Variants in CATSPERB observed in about 807,000 individuals in gnomAD.
The protein encoded by CATSPERB is cation channel sperm-associated auxiliary subunit beta.
A neutral mutation model predicts 128.3 loss-of-function variants in CATSPERB; 93 were observed. The observed-to-expected ratio is 0.72, with a 90% CI of 0.61 to 0.86. CATSPERB has a LOEUF of 0.86. Ranked by LOEUF, CATSPERB falls within the 40% of genes least tolerant of loss-of-function variation. The pLI, the probability that CATSPERB is intolerant of heterozygous loss-of-function variation, is 0.00. For missense variants in CATSPERB, 1,153 were observed against 1,329.5 expected (o/e 0.87, Z 2.06); for synonymous variants, 381 against 448.8 (o/e 0.85, Z 1.91).
At position 91,597,995 on chromosome 14, in the gene CATSPERB, T is replaced by G. The variant is rs1012341038; in HGVS notation, c.2710-5993A>C. On this transcript the variant is annotated intron_variant, in intron 22 of 26. Transcript: ENST00000256343. ...TTGATTATATAAAAGTTTTTGTTTT[T>G]TTTTTTAAATATATAAATCCTCTTA... Among the ~76,000 whole-genome samples the G allele has an allele frequency of 2.0e-5, 3 of 151,958 alleles. No individual in the cohort carries two copies. In the East Asian group the frequency reaches 5.8e-4, roughly 29 times the overall value.
intron 14 of CATSPERB, among the ~76,000 whole-genome samples, chr14:91,665,004 C>A (rs61990389): frequency 0.02 from 2,986 of 152,280 alleles, 52 homozygotes; most frequent in Non-Finnish European, 0.032. Context: ...AACCTTCCAC[C>A]TCAGCTTCCT....
At chr14:91,717,007 C>T (rs1374928563) in intron 5 of CATSPERB, among the ~76,000 whole-genome samples, 3 of 152,034 alleles carry the variant, frequency 2.0e-5, no homozygotes, top group South Asian at 2.1e-4. Flanking sequence ...ACCCAAATGC[C>T]CTTCAACAAA....
chr14:91,624,654 A>G (rs945203948), intron 18 of CATSPERB, among the ~76,000 whole-genome samples, 166 bp downstream of exon 18: 4 of 152,146 alleles, frequency 2.6e-5, no homozygotes, highest in East Asian at 1.9e-4. Context: ...AAAAAAAAAA[A>G]ACAAAAAACT....
rs1360713744 is a variant in CATSPERB, at chr14:91,618,837, TC to T, written c.2261-1102del. 2.0e-5 allele frequency among the ~76,000 whole-genome samples: 3 copies of T among 152,198 alleles called. No homozygotes were observed. In the East Asian group the frequency reaches 5.8e-4, roughly 29 times the overall value. On this transcript the variant is annotated intron_variant, in intron 19 of 26. Coordinates refer to ENST00000256343, the MANE Select transcript of CATSPERB (RefSeq NM_024764.4). ...AAACCAAAGTGACCTGGCCAGTGCT[TC>T]CTAGCCTTTACCCGGAGATTTTGTT...
chr14:91,658,039 C>A (rs1260451770), intron 15 of CATSPERB, among the ~76,000 whole-genome samples: 1 of 151,934 alleles, frequency 6.6e-6, no homozygotes, highest in Non-Finnish European at 1.5e-5. Context: ...CTAGGATATA[C>A]CCCCCAAAAA....
chr14:91,715,270 T>G (rs1895917907), intron 5 of CATSPERB: 1 of 152,024 alleles, frequency 6.6e-6, no homozygotes, highest in Non-Finnish European at 1.5e-5. Flanking sequence ...TTTAAGATAT[T>G]GACTCTCCCA....
At chr14:91,598,437 C>T (rs1368970115) in intron 22 of CATSPERB, among the ~76,000 whole-genome samples, 1 of 152,086 alleles carries the variant, frequency 6.6e-6, no homozygotes, top group Non-Finnish European at 1.5e-5. Flanking sequence ...AGTTTGTCTA[C>T]AAGTATTTAT....
intron 7 of CATSPERB, among the ~76,000 whole-genome samples, chr14:91,693,770 C>T (rs946696663): frequency 6.6e-6 from 1 of 151,944 alleles, no homozygotes; most frequent in African/African-American, 2.4e-5. Context: ...TCTTTTTTTA[C>T]GTAGAAGGGC....
chr14:91,620,584 C>G (rs1260774869), intron 19 of CATSPERB, among the ~76,000 whole-genome samples: 2 of 152,066 alleles, frequency 1.3e-5, no homozygotes, highest in African/African-American at 4.8e-5. Flanking sequence ...TCGCTAGCAT[C>G]TTTAACAATT....
chr14:91,610,614 C>T lies in CATSPERB; in HGVS notation c.2464G>A (p.Val822Met), dbSNP rs1183421866. The T allele has an allele frequency of 1.2e-6, 2 of 1,612,894 alleles. No homozygotes were observed. Among genetic ancestry groups the T allele is most frequent in the Non-Finnish European group, 1.7e-6 (2 of 1,179,210 alleles). ...ASTECFVTTM[V>M]PTLKSSCSYL... is the part of the protein sequence containing the mutation. ...CTACAGCTGCTTTTCAGTGTTGGCA[C>T]CATTGTCGTAACAAAGCACTCAGTA... The change falls in exon 21 of 27, where the codon GTG (valine) becomes ATG (methionine). Residue 822 changes from valine to methionine, a missense_variant. Val to Met is a conservative substitution (Grantham distance 21). Transcript: ENST00000256343.
intron 21 of CATSPERB, among the ~76,000 whole-genome samples, chr14:91,608,656 T>C (rs1446346998): frequency 3.9e-5 from 6 of 152,232 alleles, no homozygotes; most frequent in Non-Finnish European, 8.8e-5. Flanking sequence ...TTTAAACACT[T>C]TATCAAAGAG....
intron 22 of CATSPERB, chr14:91,603,503 C>A (rs1160185152): frequency 3.9e-6 from 4 of 1,033,606 alleles, no homozygotes; most frequent in African/African-American, 1.6e-5. Flanking sequence ...CAAAACTCTG[C>A]AGCTGAAATG....
chr14:91,629,703 T>A (rs1894238330), intron 17 of CATSPERB, among the ~76,000 whole-genome samples: 1 of 152,226 alleles, frequency 6.6e-6, no homozygotes, highest in African/African-American at 2.4e-5. Context: ...TAATTAATTT[T>A]AAAAAGTTAA....
rs1436104888 is a variant in CATSPERB, at chr14:91,580,783, A to G, written c.*106T>C. ...AGTAGCAATTTGAATTATAATGACA[A>G]TTCTTTAGGATTTTATGTAGCTTGC... is the stretch of plus-strand genomic sequence containing the variant. On this transcript the variant is annotated 3_prime_UTR_variant, in exon 27 of 27. Transcript: ENST00000256343. The G allele has an allele frequency of 1.2e-6, 1 of 840,346 alleles. No individual in the cohort carries two copies. Among genetic ancestry groups the G allele is most frequent in the Non-Finnish European group, 1.9e-6 (1 of 539,678 alleles). 52.1% of individuals were successfully genotyped at this position (840,346 alleles called of 1,614,324 possible). A position where few individuals can be genotyped will look rare whatever the true frequency, so the allele number is the denominator to read the frequency against.
Position 91,723,117 on chromosome 14 carries a change from C to T in CATSPERB, c.241G>A (p.Gly81Arg). Residue 81 changes from glycine to arginine, a missense_variant, in exon 4 of 27, where the codon GGA becomes AGA. Physicochemically the swap from Gly to Arg is moderately radical, Grantham distance 125. Transcript: ENST00000256343. Reference protein sequence around the residue: ...KAMLSVFTSGGLAPSLGIMNS... With the variant: ...KAMLSVFTSGRLAPSLGIMNS... ...ATGATTCCCAAGCTGGGAGCAAGTC[C>T]TCCTGATGTGAACACACTTAGCATT... 6.4e-7 allele frequency: 1 copy of T among 1,562,322 alleles called. No homozygotes were observed. The highest frequency in any genetic ancestry group is 8.7e-7 in the Non-Finnish European group (1 of 1,154,006).
chr14:91,717,033 C>CA (rs1335984004), intron 5 of CATSPERB, among the ~76,000 whole-genome samples: 6 of 152,014 alleles, frequency 3.9e-5, no homozygotes, highest in Non-Finnish European at 5.9e-5. Context: ...CTATCCACAC[C>CA]AAAAAACACT....
intron 6 of CATSPERB, among the ~76,000 whole-genome samples, chr14:91,706,664 T>C (rs1895738032): frequency 6.6e-6 from 1 of 152,210 alleles, no homozygotes; most frequent in African/African-American, 2.4e-5. Flanking sequence ...TTGAGTTCAG[T>C]AGTGAATAAA....
intron 11 of CATSPERB, among the ~76,000 whole-genome samples, chr14:91,678,872 A>G (rs897350120): frequency 6.6e-6 from 1 of 152,198 alleles, no homozygotes; most frequent in African/African-American, 2.4e-5. Context: ...TGAATCTTCT[A>G]AGTTGTCAGC....
In CATSPERB at chr14:91,621,652, C is replaced by T. The variant is rs781701883; in HGVS notation, c.2216G>A (p.Gly739Glu). Reference protein sequence around the residue: ...SLNIVKYIDLGNSYVLKAKVI... With the variant: ...SLNIVKYIDLENSYVLKAKVI... ...CTTAGCTTTTAAAACATAAGAGTTT[C>T]CCAGATCAATGTATTTCACGATGTT... Residue 739 changes from glycine (G) to glutamate (E), a missense_variant, in exon 19 of 27, where the codon GGA becomes GAA. By Grantham distance (98) the Gly-to-Glu change is moderately conservative (BLOSUM62 -2). Transcript: ENST00000256343. The T allele has an allele frequency of 1.9e-6, 3 of 1,612,092 alleles. No homozygotes were observed. Among genetic ancestry groups the T allele is most frequent in the African/African-American group, 2.7e-5 (2 of 74,836 alleles).
Sources: allele counts gnomAD v4.1 joint callset (sites outside exome capture counted in the v4.1 genomes callset), GRCh38; gene constraint gnomAD v4.1.1; transcripts MANE v1.5; gene names NCBI Gene and HGNC (gene_info 2026-07-23, HGNC 2026-07-21).